Variants in KIAA0825 observed in about 807,000 individuals in gnomAD.
KIAA0825 encodes KIAA0825.
Under a neutral mutation model 147.6 loss-of-function variants are expected in KIAA0825, and 119 were observed. The observed-to-expected ratio is 0.81, with a 90% confidence interval of 0.69 to 0.94. The LOEUF is 0.94. Ranked by LOEUF, KIAA0825 falls within the 40% of genes least tolerant of loss-of-function variation. The pLI is 0.00. For synonymous variants in KIAA0825, 470 were observed against 518.1 expected (o/e 0.91, Z 1.26); for missense variants, 1,381 against 1,472.7 (o/e 0.94, Z 1.02).
intron 20 of KIAA0825, among the ~76,000 whole-genome samples, chr5:94,349,667 C>A (rs1483130646): frequency 2.6e-5 from 4 of 152,150 alleles, no homozygotes; most frequent in Admixed American, 2.0e-4. Flanking sequence ...AATTAAATAA[C>A]CTGCTCCTGA....
At chr5:94,368,527 G>A (rs568400973) in intron 20 of KIAA0825, among the ~76,000 whole-genome samples, 4 of 152,284 alleles carry the variant, frequency 2.6e-5, no homozygotes, top group African/African-American at 7.2e-5. Flanking sequence ...GAGAAACCAA[G>A]TTAATCCAGC....
At chr5:94,462,302 A>C (rs1759938686) in intron 12 of KIAA0825, 85 bp downstream of exon 12, 4 of 739,806 alleles carry the variant, frequency 5.4e-6, no homozygotes, top group Non-Finnish European at 6.1e-6. Flanking sequence ...TTGTAACTTC[A>C]CATAATTCCA....
At position 94,329,857 on chromosome 5, in the gene KIAA0825, C is replaced by T. The variant is rs534713774; in HGVS notation, c.3710+54511G>A. 1.1e-4 allele frequency among the ~76,000 whole-genome samples: 16 copies of T among 151,706 alleles called. No individual in the cohort carries two copies. In the South Asian group the frequency reaches 2.5e-3, roughly 24 times the overall value. ...CAAAGACAAATATCCTATGTTCTCA[C>T]TTATATGTGGGAGCTAAAAAATTTG... On this transcript the variant is annotated intron_variant, in intron 20 of 20. Transcript: ENST00000682413.
chr5:94,470,158 A>C, intron 9 of KIAA0825, 47 bp from the exon 10 acceptor site: 1 of 1,416,682 alleles, frequency 7.1e-7, no homozygotes, highest in Non-Finnish European at 9.5e-7. Context: ...AGGCCTGTGC[A>C]GTAGGAGATA....
At chr5:94,369,759 A>G (rs1746396262) in intron 20 of KIAA0825, among the ~76,000 whole-genome samples, 1 of 152,214 alleles carries the variant, frequency 6.6e-6, no homozygotes, top group South Asian at 2.1e-4. Flanking sequence ...TATAGACACG[A>G]TCTCATTTCA....
chr5:94,573,934 T>C (rs1780469425), intron 2 of KIAA0825, among the ~76,000 whole-genome samples: 1 of 152,194 alleles, frequency 6.6e-6, no homozygotes, highest in Non-Finnish European at 1.5e-5. Flanking sequence ...CCCAGACCTC[T>C]TAGAAATTTG....
intron 5 of KIAA0825, among the ~76,000 whole-genome samples, chr5:94,511,893 G>A (rs1010606749): frequency 6.6e-6 from 1 of 151,892 alleles, no homozygotes; most frequent in Non-Finnish European, 1.5e-5. Flanking sequence ...GGAGGCTGAC[G>A]CAGGAGAATT....
chr5:94,357,338 A>G (rs533222244), intron 20 of KIAA0825, among the ~76,000 whole-genome samples: 1 of 152,204 alleles, frequency 6.6e-6, no homozygotes, highest in Non-Finnish European at 1.5e-5. Context: ...GGTTTTTAGA[A>G]TAAAGGAGAG....
rs1052255731 is a variant in KIAA0825 at position 94,604,029 on chromosome 5, A to G, written c.-153+14471T>C. 2.6e-5 allele frequency among the ~76,000 whole-genome samples: 4 copies of G among 152,172 alleles called. No homozygotes were observed. In the East Asian group the frequency reaches 7.7e-4, roughly 29 times the overall value. Reference sequence around the variant, plus strand: ...TGTTAGATAGATGAACAAGACAGAAAATTAACAAAGATATTTAGGACCTGA... The same window carrying G: ...TGTTAGATAGATGAACAAGACAGAAGATTAACAAAGATATTTAGGACCTGA... On this transcript the variant is annotated intron_variant, in intron 1 of 20. Coordinates refer to ENST00000682413, the MANE Select transcript of KIAA0825 (RefSeq NM_001145678.3).
chr5:94,618,349 T>G (rs72773513), intron 1 of KIAA0825, 151 bp downstream of exon 1: 22,177 of 152,692 alleles, frequency 0.15, 1,822 homozygotes, highest in East Asian at 0.32. Context: ...CTTCTCCAGC[T>G]GCACTGGGTG....
intron 20 of KIAA0825, among the ~76,000 whole-genome samples, chr5:94,293,734 G>A (rs186744907): frequency 1.9e-3 from 296 of 152,220 alleles, no homozygotes; most frequent in Admixed American, 3.1e-3. Flanking sequence ...CAGTATTATC[G>A]TGAGGGAGTC....
chr5:94,396,602 G>T, intron 16 of KIAA0825, 93 bp from the exon 17 acceptor site: 1 of 1,040,124 alleles, frequency 9.6e-7, no homozygotes, highest in Non-Finnish European at 1.3e-6. Context: ...AATTTTTGTG[G>T]AGAAAATTGG....
chr5:94,515,740 C>T lies in KIAA0825; in HGVS notation c.970+4508G>A, dbSNP rs367575262. 1.4e-4 allele frequency among the ~76,000 whole-genome samples: 20 copies of T among 146,134 alleles called. No individual in the cohort carries two copies. In the East Asian group the frequency reaches 1.8e-3, roughly 13 times the overall value. On this transcript the variant is annotated intron_variant, in intron 5 of 20. Coordinates refer to ENST00000682413, the MANE Select transcript of KIAA0825 (RefSeq NM_001145678.3). ...CCAGGAGGTGGAGGTTGCAGTGAGC[C>T]GAGATTGCGCCATTGCACTCCAGCC...
chr5:94,593,573 A>C, intron 1 of KIAA0825: 1 of 556,106 alleles, frequency 1.8e-6, no homozygotes. Context: ...GAAGAAAAGA[A>C]ACAACTTAAA....
At chr5:94,382,633 C>A (rs1215923474) in intron 20 of KIAA0825, among the ~76,000 whole-genome samples, 3 of 152,136 alleles carry the variant, frequency 2.0e-5, no homozygotes, top group Non-Finnish European at 4.4e-5. Context: ...AAATTCATGA[C>A]CCTTTTCCAA....
At chr5:94,412,507 T>C (rs1752898383) in intron 15 of KIAA0825, among the ~76,000 whole-genome samples, 1 of 152,028 alleles carries the variant, frequency 6.6e-6, no homozygotes, top group African/African-American at 2.4e-5. Flanking sequence ...TTCAAGTGCT[T>C]CTCATGCCTC....
intron 20 of KIAA0825, among the ~76,000 whole-genome samples, chr5:94,193,258 G>A (rs1335625306): frequency 1.3e-5 from 2 of 152,146 alleles, no homozygotes; most frequent in African/African-American, 2.4e-5. Flanking sequence ...TCTGTATCAG[G>A]TATAAAATGG....
intron 20 of KIAA0825, among the ~76,000 whole-genome samples, chr5:94,179,335 GAA>G (rs2149972043): frequency 6.6e-6 from 1 of 152,206 alleles, no homozygotes; most frequent in East Asian, 1.9e-4. Flanking sequence ...CTGTGACAAG[GAA>G]TCTAACTATA....
intron 4 of KIAA0825, 81 bp from the exon 5 acceptor site, chr5:94,520,998 A>G: frequency 8.3e-7 from 1 of 1,209,526 alleles, no homozygotes; most frequent in Non-Finnish European, 1.1e-6. Context: ...TTTCATAATA[A>G]TTTCAGGTTG....
Sources: gnomAD v4.1 joint callset for allele counts (sites outside exome capture counted in the v4.1 genomes callset) on GRCh38, gnomAD v4.1.1 for gene constraint, MANE v1.5 for transcripts, NCBI Gene and HGNC (gene_info 2026-07-23, HGNC 2026-07-21) for gene names.